Variants in SATB2 observed in about 807,000 individuals in gnomAD.
The protein encoded by SATB2 is DNA-binding protein SATB2.
A neutral mutation model predicts 73.4 loss-of-function variants in SATB2; 1 was observed. That is an observed-to-expected ratio of 0.01 (90% CI 0.00 to 0.06). SATB2 has a LOEUF of 0.06. Among genes scored for constraint, SATB2 ranks in the 10% least tolerant of loss-of-function variants. The probability of loss-of-function intolerance (pLI) is 1.00; values close to 1 mark genes in which losing one functional copy is unlikely to be tolerated. For missense variants in SATB2, 459 were observed against 945.8 expected (o/e 0.49, Z 6.75); for synonymous variants, 397 against 367.0 (o/e 1.08, Z -0.93).
At chr2:199,273,650 C>T (rs538040075) in intron 10 of SATB2, among the ~76,000 whole-genome samples, 2 of 152,214 alleles carry the variant, frequency 1.3e-5, no homozygotes, top group African/African-American at 4.8e-5. Flanking sequence ...CCATTTTATA[C>T]TTAACATAGA....
At chr2:199,461,128 A>G (rs548438421), upstream of SATB2, among the ~76,000 whole-genome samples, 57 of 152,368 alleles carry the variant, frequency 3.7e-4, no homozygotes, top group African/African-American at 1.2e-3. Context: ...GTTGTATTTC[A>G]TATCACATTT....
intron 7 of SATB2, among the ~76,000 whole-genome samples, chr2:199,336,462 T>C (rs146694579): frequency 1.3e-5 from 2 of 152,296 alleles, no homozygotes; most frequent in Admixed American, 6.5e-5. Flanking sequence ...TTGGCAAAAA[T>C]AGTACTTTCC....
chr2:199,323,899 G>A lies in SATB2; in HGVS notation c.1446C>T (p.Asn482=), dbSNP rs901060945. The A allele has an allele frequency of 6.2e-7, 1 of 1,613,400 alleles. No individual in the cohort carries two copies. The highest frequency in any genetic ancestry group is 1.7e-5 in the Admixed American group (1 of 59,956). ...TCTCGTCATAAATGGCAGCTGTGAT[G>A]TTGATGTTGGCGCCGTCCACCTTAA... is the stretch of plus-strand genomic sequence containing the variant. ...LPIKVDGANI[N]ITAAIYDEIQ... The change falls in exon 9 of 11, where the codon AAC becomes AAT. Residue 482 remains asparagine (N), a synonymous_variant. Transcript: ENST00000417098.
Position 199,308,875 on chromosome 2 carries a change from C to T in SATB2, c.1625G>A (p.Arg542His), listed in dbSNP as rs2105769137. ...ATGCTGGGGAAGGTTCAGGAAGCGACGGATGGTACAGAGGTTTTCCCAGAG... is the reference window on the plus strand; with the variant it reads ...ATGCTGGGGAAGGTTCAGGAAGCGATGGATGGTACAGAGGTTTTCCCAGAG... ...RTLWENLCTIRRFLNLPQHER... is the reference protein window; with the variant it reads ...RTLWENLCTIHRFLNLPQHER... The change falls in exon 10 of 11, where the codon CGT (arginine) becomes CAT (histidine). Residue 542 changes from arginine (R) to histidine (H), a missense_variant. Around this residue, in one of 13 missense-constraint regions of SATB2, gnomAD observed 74 missense variants for 136.1 expected, o/e 0.54. Transcript: ENST00000417098. This position sits in a 1 kb window ranked among gnomAD's most constrained non-coding sequence, Gnocchi z 4.6. 3 of 1,614,114 alleles carry T rather than the reference C, an allele frequency of 1.9e-6. No homozygotes were observed. The highest frequency in any genetic ancestry group is 2.2e-5 in the East Asian group (1 of 44,876).
chr2:199,323,496 C>A (rs1687946429), intron 9 of SATB2, among the ~76,000 whole-genome samples: 1 of 148,912 alleles, frequency 6.7e-6, no homozygotes, highest in South Asian at 2.3e-4. Context: ...CACACACACA[C>A]ACACACACAC....
intron 3 of SATB2, among the ~76,000 whole-genome samples, chr2:199,405,257 A>T (rs530961679): frequency 3.9e-5 from 6 of 152,340 alleles, no homozygotes; most frequent in Non-Finnish European, 8.8e-5. Context: ...TCAACAACAA[A>T]GCACTTCAGA....
intron 10 of SATB2, among the ~76,000 whole-genome samples, chr2:199,287,993 GCACAAATTTCTTTTAGTGTGAATAAA>G (rs1446084413): frequency 6.6e-6 from 1 of 152,044 alleles, no homozygotes; most frequent in Non-Finnish European, 1.5e-5. Flanking sequence ...TAAGTTTTTA[GCACAAATTTCTTTTAGTGTGAATAAA>G]CACCTTCAAC....
intron 3 of SATB2, among the ~76,000 whole-genome samples, chr2:199,419,176 G>A (rs1217391788): frequency 6.6e-6 from 1 of 152,166 alleles, no homozygotes; most frequent in Non-Finnish European, 1.5e-5. Context: ...GGTCCTTTGA[G>A]AAGTGCTTCA....
intron 1 of SATB2, among the ~76,000 whole-genome samples, chr2:199,456,432 C>T (rs2105957966): frequency 6.6e-6 from 1 of 152,378 alleles, no homozygotes; most frequent in South Asian, 2.1e-4. Context: ...GTGCTACAGC[C>T]TAGCCCGTCC....
intron 2 of SATB2, among the ~76,000 whole-genome samples, chr2:199,434,361 G>A (rs1367202002): frequency 6.6e-6 from 1 of 152,126 alleles, no homozygotes; most frequent in African/African-American, 2.4e-5. Context: ...GTTGAAATCT[G>A]TTGTCACTGA....
chr2:199,335,703 A>G (rs561623858), intron 7 of SATB2, among the ~76,000 whole-genome samples: 1 of 152,318 alleles, frequency 6.6e-6, no homozygotes, highest in East Asian at 1.9e-4. Context: ...CTACATATTG[A>G]AAACATGACT....
chr2:199,354,503 T>A (rs1688915101), intron 6 of SATB2, among the ~76,000 whole-genome samples: 1 of 152,174 alleles, frequency 6.6e-6, no homozygotes, highest in South Asian at 2.1e-4. Flanking sequence ...AGGAATGATG[T>A]CCCCAGTTTC....
At chr2:199,380,080 C>T (rs1323376835) in intron 5 of SATB2, among the ~76,000 whole-genome samples, 3 of 150,626 alleles carry the variant, frequency 2.0e-5, no homozygotes, top group Non-Finnish European at 4.4e-5. Context: ...GATGGGGTTT[C>T]GCCATGTTAC....
chr2:199,323,681 G>A, intron 9 of SATB2, 122 bp downstream of exon 9: 1 of 1,116,428 alleles, frequency 9.0e-7, no homozygotes, highest in South Asian at 1.3e-5. Context: ...GGCAGAACAT[G>A]ACAGGTTTCT....
chr2:199,311,855 T>C (rs1472055479), intron 9 of SATB2, among the ~76,000 whole-genome samples: 1 of 152,186 alleles, frequency 6.6e-6, no homozygotes, highest in Non-Finnish European at 1.5e-5. Flanking sequence ...GTTTTCTCAA[T>C]ACGGTCTCTT....
intron 6 of SATB2, among the ~76,000 whole-genome samples, chr2:199,351,963 C>T (rs1574536219): frequency 6.6e-6 from 1 of 152,142 alleles, no homozygotes; most frequent in Admixed American, 6.5e-5. Flanking sequence ...CTCTGCCTCC[C>T]GGGTTCAAGC....
chr2:199,296,700 AAACAAACT>A (rs1687110769), intron 10 of SATB2, among the ~76,000 whole-genome samples: 1 of 145,312 alleles, frequency 6.9e-6, no homozygotes, highest in Admixed American at 7.0e-5. Context: ...ACCCTGTCTC[AAACAAACT>A]AACAAACAAA....
At chr2:199,340,890 A>C (rs1348263832) in intron 7 of SATB2, among the ~76,000 whole-genome samples, 2 of 152,214 alleles carry the variant, frequency 1.3e-5, no homozygotes, top group Admixed American at 6.5e-5. Flanking sequence ...GTCTCAGAGG[A>C]GAAACAATGT....
In SATB2 at chr2:199,310,407, ATT is replaced by A. The variant is rs555797252; in HGVS notation, c.1543-1452_1543-1451del. On this transcript the variant is annotated intron_variant, in intron 9 of 10. Coordinates refer to ENST00000417098, the MANE Select transcript of SATB2 (RefSeq NM_001172509.2). ...AATCTTTTTCCAAGTATTTTCATAG[ATT>A]TTTTTTCAACTCAATTGAAAGGCAG... Among the ~76,000 whole-genome samples the A allele has an allele frequency of 2.2e-3, 332 of 152,056 alleles. 13 individuals carry two copies. The highest frequency in any genetic ancestry group is 0.02 in the Admixed American group (310 of 15,262).
Sources: allele counts gnomAD v4.1 joint callset (sites outside exome capture counted in the v4.1 genomes callset), GRCh38; gene constraint gnomAD v4.1.1; regional missense constraint gnomAD v4.1.1; non-coding constraint Gnocchi (gnomAD v3.1); transcripts MANE v1.5; gene names NCBI Gene and HGNC (gene_info 2026-07-23, HGNC 2026-07-21).